Variants in DST observed in about 807,000 individuals in gnomAD.
DST encodes the protein dystonin.
A neutral mutation model predicts 875.2 loss-of-function variants in DST; 253 were observed. That is an observed-to-expected ratio of 0.29 (90% confidence interval 0.26 to 0.32). The LOEUF is 0.32. DST is among the 10% of genes least tolerant of loss of function. The probability of loss-of-function intolerance (pLI) is 1.00; values close to 1 mark genes in which losing one functional copy is unlikely to be tolerated. For synonymous variants in DST, 3,124 were observed against 3,197.1 expected, an observed-to-expected ratio of 0.98 and a Z score of 0.77; for missense variants, 8,287 against 9,111.6, an observed-to-expected ratio of 0.91 and a Z score of 3.68.
At chr6:56,629,480 T>C (rs1227470468) in intron 31 of DST, 37 bp from the exon 32 acceptor site, 1 of 1,487,230 alleles carries the variant, frequency 6.7e-7, no homozygotes, top group Middle Eastern at 1.9e-4. Flanking sequence ...ATAAAAATGT[T>C]AACCACTCAC....
At chr6:56,602,411 T>G (rs889562779) in intron 43 of DST, among the ~76,000 whole-genome samples, 2 of 151,944 alleles carry the variant, frequency 1.3e-5, no homozygotes, top group Admixed American at 6.6e-5. Flanking sequence ...AGGTATATCA[T>G]ATAGCCTAGG....
At chr6:56,634,010 G>T (rs1217342209) in intron 27 of DST, 122 bp downstream of exon 27, 2 of 1,156,752 alleles carry the variant, frequency 1.7e-6, no homozygotes, top group Non-Finnish European at 2.6e-6. Flanking sequence ...TTGAATAAAT[G>T]AATATTAGCA....
rs2094727448 is a variant in DST at position 56,468,896 on chromosome 6, A to T, written c.22569+86T>A. ...TAGCTAGGGAGACAGCATGGGAAAG[A>T]TTGGCCATGGCAAGCTTTAATGACT... On this transcript the variant is annotated intron_variant, in intron 98 of 103. Transcript: ENST00000680361. 7 of 1,104,640 alleles carry T rather than the reference A, an allele frequency of 6.3e-6. No homozygotes were observed. In the East Asian group the frequency reaches 1.9e-4, roughly 30 times the overall value. The allele number at this position is 1,104,640 out of a possible 1,614,324, so 68.4% of individuals were successfully genotyped here.
intron 4 of DST, among the ~76,000 whole-genome samples, chr6:56,760,755 G>A (rs975619684): frequency 3.3e-5 from 5 of 152,128 alleles, no homozygotes; most frequent in African/African-American, 4.8e-5. Flanking sequence ...TATATGCCAG[G>A]AATTGTTTTG....
chr6:56,792,619 C>A (rs1015823825), intron 4 of DST, among the ~76,000 whole-genome samples: 6 of 152,124 alleles, frequency 3.9e-5, no homozygotes, highest in Non-Finnish European at 8.8e-5. Flanking sequence ...AAATTCAACA[C>A]CACCATTAAT....
chr6:56,795,350 A>T (rs1249579011), intron 4 of DST, among the ~76,000 whole-genome samples: 1 of 152,114 alleles, frequency 6.6e-6, no homozygotes, highest in African/African-American at 2.4e-5. Context: ...TCAGAGAGAC[A>T]AGCAGAGGAA....
chr6:56,830,187 G>A (rs1465552419), intron 4 of DST, among the ~76,000 whole-genome samples: 1 of 152,056 alleles, frequency 6.6e-6, no homozygotes, highest in East Asian at 1.9e-4. Context: ...ATACAAAACT[G>A]CTTAAATGTT....
At position 56,593,874 on chromosome 6, in the gene DST, G is replaced by A; in HGVS notation, c.12515C>T (p.Thr4172Ile). The A allele has an allele frequency of 6.2e-7, 1 of 1,613,870 alleles. No individual in the cohort carries two copies. Among genetic ancestry groups the A allele is most frequent in the Admixed American group, 1.7e-5 (1 of 60,014 alleles). The change falls in exon 48 of 104, where the codon ACC (threonine) becomes ATC (isoleucine). Residue 4172 changes from threonine to isoleucine, a missense_variant. Physicochemically the swap from Thr to Ile is moderately conservative, Grantham distance 89 (BLOSUM62 -1). This residue lies in a region of DST where 1,513 missense variants were observed against 1,677.8 expected (regional missense o/e 0.90). Coordinates refer to ENST00000680361, the MANE Select transcript of DST (RefSeq NM_001374736.1). ...AGADDINGLM[T>I]KLKRQKSFSE... Reference sequence around the variant, plus strand: ...GAAACTCTTCTGCCTCTTCAATTTGGTCATTAAACCATTGATGTCATCTGC... The same window carrying A: ...GAAACTCTTCTGCCTCTTCAATTTGATCATTAAACCATTGATGTCATCTGC...
chr6:56,798,002 G>T (rs569931480), intron 4 of DST, among the ~76,000 whole-genome samples: 6 of 152,248 alleles, frequency 3.9e-5, no homozygotes, highest in African/African-American at 1.4e-4. Flanking sequence ...AGCTGCAGAA[G>T]AAAGATTTGA....
Position 56,634,834 on chromosome 6 carries a change from C to T in DST, c.3306G>A (p.Pro1102=), listed in dbSNP as rs766166298. ...GTCTGTAGTCACAGATAGCTTTGAT[C>T]GGAATAGAAGTTTTGAGTGGACAGT... is the stretch of plus-strand genomic sequence containing the variant. ...NSDCPLKTSI[P]IKAICDYRQI... is the part of the protein sequence containing the mutation. Residue 1102 remains proline (P), a synonymous_variant, in exon 25 of 104, where the codon CCG becomes CCA. Coordinates refer to ENST00000680361, the MANE Select transcript of DST (RefSeq NM_001374736.1). 1.6e-5 allele frequency: 26 copies of T among 1,613,880 alleles called. No individual in the cohort carries two copies. The Admixed American group carries it at 2.2e-4, about 13-fold the overall frequency.
intron 4 of DST, among the ~76,000 whole-genome samples, chr6:56,821,450 A>C (rs1409539739): frequency 6.6e-6 from 1 of 152,226 alleles, no homozygotes; most frequent in Non-Finnish European, 1.5e-5. Context: ...GGGGGCTTAA[A>C]GAGTACAAGG....
intron 4 of DST, among the ~76,000 whole-genome samples, chr6:56,788,128 CAAAA>C (rs781369739): frequency 2.1e-3 from 57 of 26,578 alleles, no homozygotes; most frequent in Non-Finnish European, 3.0e-3. Context: ...GACTCCGTCT[CAAAA>C]AAAAAAAAAA....
At chr6:56,620,518 CA>C in intron 36 of DST, 1 of 1,614,058 alleles carries the variant, frequency 6.2e-7, no homozygotes, top group Non-Finnish European at 8.5e-7. Context: ...GCTGCTTTCT[CA>C]ATTCATTTTC....
intron 90 of DST, among the ~76,000 whole-genome samples, chr6:56,479,116 AAC>A (rs1292677744): frequency 3.3e-5 from 5 of 152,202 alleles, no homozygotes; most frequent in African/African-American, 1.2e-4. Context: ...AAAACACATG[AAC>A]AGACATTTCT....
intron 4 of DST, among the ~76,000 whole-genome samples, chr6:56,838,820 A>G (rs1279076862): frequency 2.0e-5 from 3 of 152,250 alleles, no homozygotes; most frequent in South Asian, 2.1e-4. Context: ...GTTGTAACAT[A>G]AAACATTCAA....
intron 82 of DST, among the ~76,000 whole-genome samples, chr6:56,496,165 T>G (rs1021520786): frequency 6.6e-6 from 1 of 152,184 alleles, no homozygotes; most frequent in Admixed American, 6.5e-5. Flanking sequence ...TCTGAAACAC[T>G]GTTTCCTCTC....
rs1445335106 is a variant in DST, at chr6:56,629,417, C to G, written c.4308G>C (p.Lys1436Asn). Residue 1436 changes from lysine (K) to asparagine (N), a missense_variant, in exon 32 of 104, where the codon AAG becomes AAC. Lys to Asn is a moderately conservative substitution (Grantham distance 94, BLOSUM62 0). This residue lies in a region of DST where 3,138 missense variants were observed against 3,116.6 expected (regional missense o/e 1.01). Coordinates refer to ENST00000680361, the MANE Select transcript of DST (RefSeq NM_001374736.1). ...LKQWRSEVDE[K>N]RQVFHALEDE... Reference sequence around the variant, plus strand: ...CCTCTAAGGCATGGAATACCTGTCTCTTTTCATCTACTTCAGATCTCCATT... The same window carrying G: ...CCTCTAAGGCATGGAATACCTGTCTGTTTTCATCTACTTCAGATCTCCATT... 6.2e-7 allele frequency: 1 copy of G among 1,613,328 alleles called. No homozygotes were observed. Among genetic ancestry groups the G allele is most frequent in the African/African-American group, 1.3e-5 (1 of 74,906 alleles).
At chr6:56,682,040 G>C (rs1488753842) in intron 9 of DST, among the ~76,000 whole-genome samples, 3 of 152,324 alleles carry the variant, frequency 2.0e-5, no homozygotes, top group East Asian at 3.9e-4. Flanking sequence ...CCAAAACCTA[G>C]TGTTTGTCCT....
intron 4 of DST, among the ~76,000 whole-genome samples, chr6:56,842,624 T>TA (rs1333554857): frequency 6.6e-6 from 1 of 152,176 alleles, no homozygotes; most frequent in Non-Finnish European, 1.5e-5. Flanking sequence ...AAGATCATTT[T>TA]AAGGAAAATG....
Sources: gnomAD v4.1 joint callset for allele counts (sites outside exome capture counted in the v4.1 genomes callset) on GRCh38, gnomAD v4.1.1 for gene constraint, gnomAD v4.1.1 regional missense constraint, MANE v1.5 for transcripts, NCBI Gene and HGNC (gene_info 2026-07-23, HGNC 2026-07-21) for gene names.